DGKB: variants seen among roughly 807,000 people sequenced by gnomAD.
DGKB encodes the protein diacylglycerol kinase beta.
In DGKB, 67 loss-of-function variants were observed where a neutral mutation model predicts 114.3. The ratio of observed to expected loss-of-function variants is 0.59; its 90% CI spans 0.48 to 0.72. The LOEUF (loss-of-function observed/expected upper bound fraction) is 0.72. Ranked by LOEUF, DGKB falls within the 30% of genes least tolerant of loss-of-function variation. The pLI is 0.00. For missense variants in DGKB, 907 were observed against 975.2 expected (o/e 0.93, Z 0.93); for synonymous variants, 398 against 323.1 (o/e 1.23, Z -2.49).
At chr7:14,546,940 T>C (rs1794378804) in intron 20 of DGKB, among the ~76,000 whole-genome samples, 1 of 152,108 alleles carries the variant, frequency 6.6e-6, no homozygotes, top group Admixed American at 6.6e-5. Context: ...AGTCTAATAT[T>C]TTTCCCAACT....
chr7:14,565,549 C>T (rs1335626006), intron 20 of DGKB, among the ~76,000 whole-genome samples: 2 of 152,088 alleles, frequency 1.3e-5, no homozygotes, highest in Non-Finnish European at 2.9e-5. Flanking sequence ...TGACATGCAC[C>T]TCAAACTGAG....
chr7:14,898,993 C>T (rs1294301661), intron 1 of DGKB, among the ~76,000 whole-genome samples: 2 of 152,188 alleles, frequency 1.3e-5, no homozygotes, highest in East Asian at 3.9e-4. Context: ...AAAAGAATTT[C>T]GGCTGTTTAA....
chr7:14,774,633 T>C (rs1006477497), intron 2 of DGKB, among the ~76,000 whole-genome samples: 3 of 152,166 alleles, frequency 2.0e-5, no homozygotes, highest in African/African-American at 7.2e-5. Context: ...TTCTCAACCT[T>C]AGAATATATA....
At chr7:14,345,484 A>G in intron 21 of DGKB, 93 bp from the exon 22 acceptor site, 3 of 653,830 alleles carry the variant, frequency 4.6e-6, no homozygotes, top group Admixed American at 5.6e-5. Context: ...GTTATAATAG[A>G]AAAGGTCTGA....
intron 17 of DGKB, among the ~76,000 whole-genome samples, chr7:14,598,627 T>C (rs940954540): frequency 2.0e-5 from 3 of 152,214 alleles, no homozygotes; most frequent in Non-Finnish European, 4.4e-5. Flanking sequence ...AATTCAGAAC[T>C]ATTTTTTGTT....
chr7:14,626,072 A>T (rs114502138), intron 14 of DGKB, among the ~76,000 whole-genome samples: 2,301 of 152,126 alleles, frequency 0.015, 66 homozygotes, highest in African/African-American at 0.052. Context: ...AAATAAAAAG[A>T]CCTCACTTTA....
chr7:14,457,264 T>C (rs1009368826), intron 21 of DGKB, among the ~76,000 whole-genome samples: 1 of 152,118 alleles, frequency 6.6e-6, no homozygotes, highest in Non-Finnish European at 1.5e-5. Flanking sequence ...AGTAATTACC[T>C]AAAATGGACA....
At chr7:14,259,146 T>C (rs1034850875) in intron 23 of DGKB, among the ~76,000 whole-genome samples, 12 of 152,180 alleles carry the variant, frequency 7.9e-5, no homozygotes, top group Admixed American at 3.9e-4. Context: ...GCATTGACTG[T>C]CTCTGTCCTA....
intron 12 of DGKB, among the ~76,000 whole-genome samples, chr7:14,680,880 A>T (rs976030032): frequency 6.6e-6 from 1 of 152,048 alleles, no homozygotes; most frequent in Non-Finnish European, 1.5e-5. Context: ...TGATTTTTTA[A>T]GAACTAAAAA....
At chr7:14,860,268 A>T (rs755509155) in intron 1 of DGKB, among the ~76,000 whole-genome samples, 1 of 152,104 alleles carries the variant, frequency 6.6e-6, no homozygotes, top group Admixed American at 6.6e-5. Context: ...TTAGATTTCA[A>T]ATCTATAAAG....
chr7:14,624,946 C>A (rs1276880254), intron 14 of DGKB, among the ~76,000 whole-genome samples: 3 of 151,798 alleles, frequency 2.0e-5, no homozygotes, highest in Non-Finnish European at 2.9e-5. Context: ...TGCAGTGAGC[C>A]AAGATTGTAC....
chr7:14,187,273 G>T (rs1488714181), intron 23 of DGKB, among the ~76,000 whole-genome samples: 1 of 152,138 alleles, frequency 6.6e-6, no homozygotes, highest in African/African-American at 2.4e-5. Context: ...ATGCACCTCT[G>T]CCTGGCCCAA....
intron 21 of DGKB, among the ~76,000 whole-genome samples, chr7:14,371,573 C>G (rs1416743130): frequency 6.6e-6 from 1 of 152,064 alleles, no homozygotes; most frequent in Non-Finnish European, 1.5e-5. Context: ...AGACCTTTGT[C>G]AGATGCATAG....
At chr7:14,409,867 T>C (rs1396780362) in intron 21 of DGKB, among the ~76,000 whole-genome samples, 1 of 152,132 alleles carries the variant, frequency 6.6e-6, no homozygotes, top group East Asian at 1.9e-4. Flanking sequence ...CTTATGATTT[T>C]CTTAATAACA....
chr7:14,955,995 A>G (rs1422991702), intron 1 of DGKB, among the ~76,000 whole-genome samples: 1 of 152,018 alleles, frequency 6.6e-6, no homozygotes, highest in Admixed American at 6.6e-5. Flanking sequence ...AGCACCTGTC[A>G]TGGAGTAAAT....
intron 2 of DGKB, among the ~76,000 whole-genome samples, chr7:14,812,748 C>T (rs985873730): frequency 3.9e-5 from 6 of 152,178 alleles, no homozygotes; most frequent in East Asian, 1.9e-4. Context: ...AGCTCCCACA[C>T]GTGAACTATT....
intron 20 of DGKB, among the ~76,000 whole-genome samples, chr7:14,530,529 T>C (rs536144137): frequency 6.6e-6 from 1 of 151,588 alleles, no homozygotes; most frequent in African/African-American, 2.4e-5. Context: ...TATAAAGAGG[T>C]GAGGCTTGAA....
chr7:14,522,718 C>T (rs1046158424), intron 20 of DGKB, among the ~76,000 whole-genome samples: 2 of 152,178 alleles, frequency 1.3e-5, no homozygotes, highest in African/African-American at 4.8e-5. Context: ...TGGTTGAATT[C>T]TGGAGCAAAG....
upstream of DGKB, among the ~76,000 whole-genome samples, chr7:14,906,822 T>A (rs1444158032): frequency 6.6e-6 from 1 of 152,176 alleles, no homozygotes; most frequent in Non-Finnish European, 1.5e-5. Flanking sequence ...CATGTTAATG[T>A]TTTTCAACAA....
Sources: allele counts gnomAD v4.1 joint callset (sites outside exome capture counted in the v4.1 genomes callset), GRCh38; gene constraint gnomAD v4.1.1; transcripts MANE v1.5; gene names NCBI Gene and HGNC (gene_info 2026-07-23, HGNC 2026-07-21).